The following SCN11A variants were observed in gnomAD, a reference collection of about 807,000 sequenced individuals.
The protein encoded by SCN11A is sodium voltage-gated channel alpha subunit 11.
Under a neutral mutation model 162.2 loss-of-function variants are expected in SCN11A, and 122 were observed. That is an observed-to-expected ratio of 0.75 (90% CI 0.65 to 0.87). SCN11A has a LOEUF of 0.87. SCN11A is among the 40% of genes least tolerant of loss of function. SCN11A has a pLI of 0.00. For missense variants in SCN11A, 2,015 were observed against 2,181.6 expected (o/e 0.92, Z 1.52); for synonymous variants, 758 against 751.5 (o/e 1.01, Z -0.14).
At chr3:39,050,596 T>TAAG (rs34430541) in intron 1 of SCN11A, among the ~76,000 whole-genome samples, 62,419 of 151,814 alleles carry the variant, frequency 0.41, 14,057 homozygotes, top group African/African-American at 0.61. Context: ...TTTATTAATT[T>TAAG]AAGAAGTATT....
intron 2 of SCN11A, among the ~76,000 whole-genome samples, chr3:38,971,725 T>G (rs2066818268): frequency 6.6e-6 from 1 of 152,148 alleles, no homozygotes; most frequent in Non-Finnish European, 1.5e-5. Flanking sequence ...CTCCCCTCCC[T>G]GTTTCTTGGT....
At chr3:38,874,404 C>T (rs192063094) in intron 23 of SCN11A, among the ~76,000 whole-genome samples, 125 of 152,172 alleles carry the variant, frequency 8.2e-4, no homozygotes, top group Admixed American at 3.6e-3. Flanking sequence ...CTGAGACCAG[C>T]CTGGGCAACA....
At position 38,950,081 on chromosome 3, in the gene SCN11A, C is replaced by CT. The variant is rs773359255; in HGVS notation, c.267+14_267+15insA. ...CACCCCCACCCCCACCCCCCCCCCCCGCCCAATGAAGTACCTTATGATTTC... is the reference window on the plus strand; with the variant it reads ...CACCCCCACCCCCACCCCCCCCCCCCTGCCCAATGAAGTACCTTATGATTTC... On this transcript the variant is annotated intron_variant, in intron 5 of 29. Transcript: ENST00000302328. The CT allele has an allele frequency of 9.3e-6, 2 of 214,534 alleles. No homozygotes were observed. The highest frequency in any genetic ancestry group is 5.3e-5 in the African/African-American group (2 of 37,824). The allele number at this position is 214,534 out of a possible 1,614,324, so 13.3% of individuals were successfully genotyped here.
chr3:38,995,323 T>A (rs533823406), intron 2 of SCN11A, among the ~76,000 whole-genome samples: 1 of 152,094 alleles, frequency 6.6e-6, no homozygotes, highest in Non-Finnish European at 1.5e-5. Context: ...GGTTTCACCA[T>A]GGTAGCCAGG....
intron 5 of SCN11A, 29 bp downstream of exon 5, chr3:38,950,063 ACCCC>A: frequency 2.6e-4 from 16 of 62,394 alleles, no homozygotes; most frequent in South Asian, 6.2e-4. Flanking sequence ...GAACACCCCC[ACCCC>A]CACCCCCCCC....
At chr3:38,879,596 T>C (rs2065274373) in intron 23 of SCN11A, among the ~76,000 whole-genome samples, 1 of 152,088 alleles carries the variant, frequency 6.6e-6, no homozygotes, top group Admixed American at 6.6e-5. Context: ...CTTTGAGAAG[T>C]CTTGAAAAGA....
chr3:38,934,353 G>C (rs201629209), intron 7 of SCN11A, among the ~76,000 whole-genome samples: 15,656 of 152,006 alleles, frequency 0.1, 1,037 homozygotes, highest in East Asian at 0.22. Flanking sequence ...CATAATGACA[G>C]GATCAAATTC....
chr3:38,937,282 T>C (rs202181085), intron 7 of SCN11A, among the ~76,000 whole-genome samples: 1 of 149,954 alleles, frequency 6.7e-6, no homozygotes, highest in African/African-American at 2.5e-5. Flanking sequence ...GAAGAAAACC[T>C]AGGCATTACC....
In SCN11A at chr3:38,897,017, G is replaced by A; in HGVS notation, c.2231C>T (p.Ser744Leu). 1 of 1,614,120 alleles carries A rather than the reference G, an allele frequency of 6.2e-7. No homozygotes were observed. The highest frequency in any genetic ancestry group is 1.1e-5 in the South Asian group (1 of 91,076). ...CCCCATGTGCCAGTGCCGTAAACAT[G>A]AGACTGTCGGGCCTGTCGGGTTACA... ...KLCNPTGPTVSCLRHWHMGDF... is the reference protein window; with the variant it reads ...KLCNPTGPTVLCLRHWHMGDF... Residue 744 changes from serine (S) to leucine (L), a missense_variant, in exon 18 of 30, where the codon TCA (serine) becomes TTA (leucine). Ser to Leu is a moderately radical substitution (Grantham distance 145). Coordinates refer to ENST00000302328, the MANE Select transcript of SCN11A (RefSeq NM_001349253.2).
intron 2 of SCN11A, among the ~76,000 whole-genome samples, chr3:38,991,631 G>A (rs372114029): frequency 6.6e-6 from 1 of 152,016 alleles, no homozygotes; most frequent in Non-Finnish European, 1.5e-5. Flanking sequence ...ACAATCCTAG[G>A]CCTCCATTTT....
At chr3:38,933,701 C>G (rs1208715707) in intron 7 of SCN11A, among the ~76,000 whole-genome samples, 3 of 152,146 alleles carry the variant, frequency 2.0e-5, no homozygotes, top group African/African-American at 7.2e-5. Flanking sequence ...ACGAACAAAG[C>G]CTCCAAGAAA....
At chr3:38,995,038 A>G (rs1575351266) in intron 2 of SCN11A, among the ~76,000 whole-genome samples, 1 of 152,130 alleles carries the variant, frequency 6.6e-6, no homozygotes, top group Non-Finnish European at 1.5e-5. Context: ...TGGGAAGCTA[A>G]CAAGCTTGAC....
chr3:38,860,379 C>T (rs2064944404), intron 28 of SCN11A, among the ~76,000 whole-genome samples: 1 of 152,076 alleles, frequency 6.6e-6, no homozygotes, highest in African/African-American at 2.4e-5. Flanking sequence ...GGAATCCTCT[C>T]TAAATCATTC....
At chr3:38,981,628 A>G (rs145838410) in intron 2 of SCN11A, among the ~76,000 whole-genome samples, 13 of 152,022 alleles carry the variant, frequency 8.6e-5, no homozygotes, top group Admixed American at 5.2e-4. Context: ...CAAATTTTTT[A>G]GACAAAGTGC....
chr3:38,988,408 G>A (rs1015624276), intron 2 of SCN11A, among the ~76,000 whole-genome samples: 2 of 151,994 alleles, frequency 1.3e-5, no homozygotes, highest in Admixed American at 6.6e-5. Flanking sequence ...ACAAGTCTCT[G>A]GGCTCCCCCA....
In SCN11A at chr3:38,925,425, T is replaced by G. The variant is rs774523135; in HGVS notation, c.702A>C (p.Ser234=). The part of the protein sequence containing the change: ...FRVFRALKAI[S]VVSRLKVIVG... ...GTGAGAGTGACTTACGTGAAACTAC[T>G]GAAATTGCTTTCAAAGCTCTGAACA... Residue 234 remains serine, a synonymous_variant, in exon 9 of 30, where the codon TCA becomes TCC. Transcript: ENST00000302328. 6.2e-5 allele frequency: 99 copies of G among 1,608,486 alleles called. No individual in the cohort carries two copies. The highest frequency in any genetic ancestry group is 7.5e-5 in the Non-Finnish European group (88 of 1,174,958).
chr3:38,894,878 A>G lies in SCN11A; in HGVS notation c.2490T>C (p.Thr830=), dbSNP rs2065568788. ...ATCGATCCAGTGCTAACTGGACTTT[A>G]GTTTTCCTGGCCTCTCCTTCTAAGT... ...NGNLEGEARK[T]KVQLALDRFR... The change falls in exon 19 of 30, where the codon ACT becomes ACC. Residue 830 remains threonine (T), a synonymous_variant. Transcript: ENST00000302328. 3 of 1,614,068 alleles carry G rather than the reference A, an allele frequency of 1.9e-6. No homozygotes were observed. Among genetic ancestry groups the G allele is most frequent in the African/African-American group, 2.7e-5 (2 of 74,926 alleles).
intron 2 of SCN11A, among the ~76,000 whole-genome samples, chr3:39,031,701 T>C (rs1290135167): frequency 6.6e-6 from 1 of 152,222 alleles, no homozygotes; most frequent in African/African-American, 2.4e-5. Flanking sequence ...TTCTGTATAA[T>C]TATTTAATTA....
chr3:38,983,512 A>T (rs1268061322), intron 2 of SCN11A, among the ~76,000 whole-genome samples: 1 of 152,190 alleles, frequency 6.6e-6, no homozygotes, highest in African/African-American at 2.4e-5. Context: ...ATGAACAAGG[A>T]AATTCTGAAA....
Sources: gnomAD v4.1 joint callset for allele counts (sites outside exome capture counted in the v4.1 genomes callset) on GRCh38, gnomAD v4.1.1 for gene constraint, MANE v1.5 for transcripts, NCBI Gene and HGNC (gene_info 2026-07-23, HGNC 2026-07-21) for gene names.